The following EIF4A3 variants were observed in gnomAD, a reference collection of about 807,000 sequenced individuals.
EIF4A3 encodes eukaryotic initiation factor 4A-III.
EIF4A3 carries 1 observed loss-of-function variant against 55.6 expected under a neutral mutation model. That is an observed-to-expected ratio of 0.02 (90% CI 0.01 to 0.09). EIF4A3 has a LOEUF of 0.09. EIF4A3 is among the 10% of genes least tolerant of loss of function. The probability of loss-of-function intolerance (pLI) is 1.00; values close to 1 mark genes in which losing one functional copy is unlikely to be tolerated. For missense variants in EIF4A3, 221 were observed against 540.7 expected (o/e 0.41, Z 5.86); for synonymous variants, 194 against 196.3 (o/e 0.99, Z 0.10).
intron 4 of EIF4A3, 173 bp from the exon 5 acceptor site, chr17:80,140,313 C>CTTTTTTTTTTTTTTTTTTTT (rs34707524): frequency 4.9e-6 from 2 of 404,718 alleles, no homozygotes; most frequent in African/African-American, 2.5e-5. Flanking sequence ...GTTAATTTTG[C>CTTTTTTTTTTTTTTTTTTTT]TTTTTTTTTT....
At chr17:80,138,994 A>G (rs1197703356) in intron 7 of EIF4A3, 27 bp downstream of exon 7, 3 of 1,611,474 alleles carry the variant, frequency 1.9e-6, no homozygotes, top group African/African-American at 2.7e-5. Context: ...CCAGTGTTTT[A>G]GTAAACTTGA....
chr17:80,144,791 G>A (rs1211370958), intron 1 of EIF4A3, among the ~76,000 whole-genome samples: 5 of 152,282 alleles, frequency 3.3e-5, no homozygotes, highest in African/African-American at 9.6e-5. Context: ...CGTGGGTCAC[G>A]CTGCAGGGTG....
At chr17:80,145,553 G>T (rs1209998974) in intron 1 of EIF4A3, among the ~76,000 whole-genome samples, 1 of 152,118 alleles carries the variant, frequency 6.6e-6, no homozygotes, top group Non-Finnish European at 1.5e-5. Flanking sequence ...GACAAGAGCA[G>T]GACTGTCAGA....
intron 1 of EIF4A3, 95 bp downstream of exon 1, chr17:80,146,698 C>G: frequency 7.0e-7 from 1 of 1,421,696 alleles, no homozygotes; most frequent in Non-Finnish European, 9.3e-7. Flanking sequence ...ACCTCCGGAG[C>G]GCAGGGCCGG....
In EIF4A3 at chr17:80,142,083, C is replaced by T. The variant is rs560858495; in HGVS notation, c.243-235G>A. Among the ~76,000 whole-genome samples, 17 of 152,312 alleles carry T rather than the reference C, an allele frequency of 1.1e-4. No homozygotes were observed. In the South Asian group the frequency reaches 3.5e-3, roughly 32 times the overall value. On this transcript the variant is annotated intron_variant, in intron 2 of 11. Coordinates refer to ENST00000649764, the MANE Select transcript of EIF4A3 (RefSeq NM_014740.4). Reference sequence around the variant, plus strand: ...CACGGGGGCAATGGAGCCACAGACTCTCTAACTTCAAGAGGTGTTTCATAG... The same window carrying T: ...CACGGGGGCAATGGAGCCACAGACTTTCTAACTTCAAGAGGTGTTTCATAG...
intron 2 of EIF4A3, 30 bp downstream of exon 2, chr17:80,144,142 A>G (rs1368453182): frequency 6.2e-7 from 1 of 1,610,344 alleles, no homozygotes; most frequent in Non-Finnish European, 8.5e-7. Context: ...ATTTACATCC[A>G]GCCCTGCGCC....
chr17:80,143,480 G>T (rs2039633691), intron 2 of EIF4A3, among the ~76,000 whole-genome samples: 2 of 152,152 alleles, frequency 1.3e-5, no homozygotes, highest in Non-Finnish European at 2.9e-5. Flanking sequence ...TGCAGGATAT[G>T]GCCTATCTCC....
At chr17:80,146,253 G>A (rs984115492) in intron 1 of EIF4A3, among the ~76,000 whole-genome samples, 1 of 151,592 alleles carries the variant, frequency 6.6e-6, no homozygotes, top group Non-Finnish European at 1.5e-5. Flanking sequence ...TCTCATAACA[G>A]TCTCCTTCAT....
rs2039561547 is a variant in EIF4A3 at position 80,135,308 on chromosome 17, T to G, written c.*182A>C. Reference sequence around the variant, plus strand: ...GAAAAAGACTTAGAACAATGTATTATTTACATGTAAATAAGAAAAGAGAGC... The same window carrying G: ...GAAAAAGACTTAGAACAATGTATTAGTTACATGTAAATAAGAAAAGAGAGC... On this transcript the variant is annotated 3_prime_UTR_variant, in exon 12 of 12. Transcript: ENST00000649764. The G allele has an allele frequency of 1.2e-5, 7 of 603,872 alleles. 1 individual carries two copies. In the South Asian group the frequency reaches 1.2e-4, roughly 10 times the overall value. 37.4% of individuals were successfully genotyped at this position (603,872 alleles called of 1,614,324 possible). A position where few individuals can be genotyped will look rare whatever the true frequency, so the allele number is the denominator to read the frequency against.
At chr17:80,141,916 C>T in intron 2 of EIF4A3, 68 bp from the exon 3 acceptor site, 1 of 1,372,638 alleles carries the variant, frequency 7.3e-7, no homozygotes, top group Non-Finnish European at 1.0e-6. Context: ...CACTCCAAGG[C>T]CTGGGCTCCA....
intron 1 of EIF4A3, among the ~76,000 whole-genome samples, chr17:80,145,291 G>A (rs1401004078): frequency 6.6e-6 from 1 of 152,182 alleles, no homozygotes; most frequent in African/African-American, 2.4e-5. Context: ...ACGGCCAGGT[G>A]GGGTGGCTCA....
At chr17:80,142,526 T>C (rs1055388982) in intron 2 of EIF4A3, among the ~76,000 whole-genome samples, 4 of 152,186 alleles carry the variant, frequency 2.6e-5, no homozygotes, top group South Asian at 4.1e-4. Context: ...GCAGCATTAA[T>C]TGAAGCCAGG....
At chr17:80,138,370 G>A (rs2039590421) in intron 7 of EIF4A3, 90 bp from the exon 8 acceptor site, 4 of 1,520,780 alleles carry the variant, frequency 2.6e-6, no homozygotes, top group Non-Finnish European at 3.6e-6. Flanking sequence ...AGACCCTGGT[G>A]GAAAAGGTCA....
intron 4 of EIF4A3, among the ~76,000 whole-genome samples, chr17:80,140,784 T>C (rs1042306282): frequency 6.6e-6 from 1 of 152,190 alleles, no homozygotes; most frequent in African/African-American, 2.4e-5. Context: ...CTACGTTAAG[T>C]ATAAAATGGG....
At chr17:80,139,962 T>G (rs769795108) in intron 5 of EIF4A3, 46 bp downstream of exon 5, 1 of 1,594,290 alleles carries the variant, frequency 6.3e-7, no homozygotes, top group Non-Finnish European at 8.6e-7. Context: ...AAGCACTTCT[T>G]ACAAATACTA....
intron 1 of EIF4A3, among the ~76,000 whole-genome samples, chr17:80,144,878 C>T (rs2039647153): frequency 1.3e-5 from 2 of 152,346 alleles, no homozygotes; most frequent in South Asian, 2.1e-4. Context: ...GCAACTACTA[C>T]ACCAAAGGGT....
At chr17:80,137,224 C>T in intron 9 of EIF4A3, 162 bp downstream of exon 9, 1 of 577,534 alleles carries the variant, frequency 1.7e-6, no homozygotes, top group Non-Finnish European at 3.0e-6. Flanking sequence ...CAGCGGACCC[C>T]TCCTTAACTG....
At chr17:80,138,767 T>A (rs1470283674) in intron 7 of EIF4A3, 8 of 449,764 alleles carry the variant, frequency 1.8e-5, no homozygotes, top group South Asian at 2.7e-5. Context: ...TGGCTAATTT[T>A]TTATTATTGG....
intron 5 of EIF4A3, 61 bp from the exon 6 acceptor site, chr17:80,139,811 C>T: frequency 1.3e-6 from 2 of 1,562,448 alleles, no homozygotes; most frequent in Non-Finnish European, 1.8e-6. Flanking sequence ...TTGAAATAAT[C>T]ACACCTGAGG....
Sources: gnomAD v4.1 joint callset for allele counts (sites outside exome capture counted in the v4.1 genomes callset) on GRCh38, gnomAD v4.1.1 for gene constraint, MANE v1.5 for transcripts, NCBI Gene and HGNC (gene_info 2026-07-23, HGNC 2026-07-21) for gene names.